The following XPR1 variants were observed in gnomAD, a reference collection of about 807,000 sequenced individuals.
XPR1 encodes the protein solute carrier family 53 member 1.
A neutral mutation model predicts 87.5 loss-of-function variants in XPR1; 28 were observed. The ratio of observed to expected loss-of-function variants is 0.32; its 90% confidence interval spans 0.24 to 0.44. The LOEUF is 0.44. Among genes scored for constraint, XPR1 ranks in the 20% least tolerant of loss-of-function variants. The pLI, the probability that XPR1 is intolerant of heterozygous loss-of-function variation, is 1.00. For missense variants in XPR1, 559 were observed against 862.3 expected (o/e 0.65, Z 4.41); for synonymous variants, 300 against 306.1 (o/e 0.98, Z 0.21).
At chr1:180,752,669 T>G (rs1437147334) in intron 2 of XPR1, among the ~76,000 whole-genome samples, 1 of 152,156 alleles carries the variant, frequency 6.6e-6, no homozygotes, top group Non-Finnish European at 1.5e-5. Flanking sequence ...GATTATCATG[T>G]TTTGATTTAA....
At chr1:180,846,085 C>A (rs1448256284) in intron 11 of XPR1, among the ~76,000 whole-genome samples, 3 of 151,980 alleles carry the variant, frequency 2.0e-5, no homozygotes, top group East Asian at 3.9e-4. Context: ...CATGGCAAAA[C>A]CCTGTCTCTA....
In XPR1 at chr1:180,632,109, C is replaced by T; in HGVS notation, c.-93C>T. 11 of 1,466,338 alleles carry T rather than the reference C, an allele frequency of 7.5e-6. No homozygotes were observed. The highest frequency in any genetic ancestry group is 1.0e-5 in the Non-Finnish European group (11 of 1,070,600). The allele number at this position is 1,466,338 out of a possible 1,614,324, so 90.8% of individuals were successfully genotyped here. A position where few individuals can be genotyped will look rare whatever the true frequency, so the allele number is the denominator to read the frequency against. On this transcript the variant is annotated 5_prime_UTR_variant, in exon 1 of 15. Transcript: ENST00000367590. Reference sequence around the variant, plus strand: ...AGGAGAGAAGCGCAGCGCCGCGCCGCGCCGGGGCCCATGTGGGGAGGAGTC... The same window carrying T: ...AGGAGAGAAGCGCAGCGCCGCGCCGTGCCGGGGCCCATGTGGGGAGGAGTC...
intron 2 of XPR1, among the ~76,000 whole-genome samples, chr1:180,738,448 T>G (rs1658800884): frequency 6.6e-6 from 1 of 152,238 alleles, no homozygotes; most frequent in African/African-American, 2.4e-5. Flanking sequence ...TTAGCTATCT[T>G]AATATTTGTA....
At chr1:180,712,228 T>C (rs1274019415) in intron 2 of XPR1, among the ~76,000 whole-genome samples, 5 of 152,224 alleles carry the variant, frequency 3.3e-5, no homozygotes, top group Non-Finnish European at 7.3e-5. Context: ...AAATAAGTGT[T>C]ACTTGAACAC....
At chr1:180,810,682 G>A (rs1027557062) in intron 6 of XPR1, among the ~76,000 whole-genome samples, 6 of 151,864 alleles carry the variant, frequency 4.0e-5, no homozygotes, top group South Asian at 2.1e-4. Flanking sequence ...TGTACCAAAT[G>A]TGCAAACTCT....
chr1:180,677,925 T>C (rs146780164), intron 1 of XPR1, among the ~76,000 whole-genome samples: 20 of 152,340 alleles, frequency 1.3e-4, no homozygotes, highest in East Asian at 9.6e-4. Context: ...TTCTCAGTTA[T>C]AGTTTTTGCA....
chr1:180,731,733 A>T (rs150676393), intron 2 of XPR1, among the ~76,000 whole-genome samples: 2 of 152,198 alleles, frequency 1.3e-5, no homozygotes, highest in African/African-American at 4.8e-5. Context: ...TATCAATGAG[A>T]TAGTTTACAT....
At position 180,787,865 on chromosome 1, in the gene XPR1, A is replaced by C. The variant is rs1322666942; in HGVS notation, c.223+11A>C. ...ACACATTTTATTCAGGTGAGTAATT[A>C]AGAGACTTTTTTTTTTGCTGCCGGG... On this transcript the variant is annotated intron_variant, in intron 3 of 14. Transcript: ENST00000367590. 1 of 1,588,644 alleles carries C rather than the reference A, an allele frequency of 6.3e-7. No individual in the cohort carries two copies. Among genetic ancestry groups the C allele is most frequent in the South Asian group, 1.1e-5 (1 of 87,536 alleles).
intron 9 of XPR1, among the ~76,000 whole-genome samples, chr1:180,832,097 T>C (rs908706494): frequency 6.6e-6 from 1 of 152,240 alleles, no homozygotes; most frequent in Non-Finnish European, 1.5e-5. Flanking sequence ...TTCTAACTGG[T>C]GTGAGATGGT....
chr1:180,864,010 C>A (rs1330725444), intron 12 of XPR1, 136 bp downstream of exon 12: 2 of 674,598 alleles, frequency 3.0e-6, no homozygotes, highest in African/African-American at 1.9e-5. Context: ...AATACTAATT[C>A]ATTCGGTCAG....
intron 2 of XPR1, among the ~76,000 whole-genome samples, chr1:180,763,378 G>A (rs1648128205): frequency 6.6e-6 from 1 of 152,116 alleles, no homozygotes; most frequent in African/African-American, 2.4e-5. Flanking sequence ...TGAACAAGGT[G>A]GTGACTTTGA....
At chr1:180,769,425 C>G (rs1486610956) in intron 2 of XPR1, among the ~76,000 whole-genome samples, 1 of 143,688 alleles carries the variant, frequency 7.0e-6, no homozygotes, top group African/African-American at 2.6e-5. Context: ...ACCTCCCCCA[C>G]TACCCTTCCC....
chr1:180,791,530 G>A (rs1649378643), intron 3 of XPR1, among the ~76,000 whole-genome samples: 1 of 150,434 alleles, frequency 6.6e-6, no homozygotes, highest in Non-Finnish European at 1.5e-5. Flanking sequence ...ACCCACCTTG[G>A]TCTCCCAAAG....
intron 9 of XPR1, among the ~76,000 whole-genome samples, chr1:180,834,405 T>C (rs937561791): frequency 1.3e-5 from 2 of 152,240 alleles, no homozygotes; most frequent in Admixed American, 1.3e-4. Flanking sequence ...AGTACAACTT[T>C]AGTTAATGGC....
At chr1:180,861,746 C>T (rs968369062) in intron 11 of XPR1, among the ~76,000 whole-genome samples, 12 of 152,026 alleles carry the variant, frequency 7.9e-5, no homozygotes, top group African/African-American at 2.9e-4. Flanking sequence ...CAGTGATGTG[C>T]TAGTATATGT....
intron 12 of XPR1, among the ~76,000 whole-genome samples, chr1:180,867,037 C>G (rs1305209435): frequency 9.9e-6 from 1 of 101,354 alleles, no homozygotes; most frequent in East Asian, 2.5e-4. Flanking sequence ...TGTTCCATTC[C>G]CACCTATGAG....
At chr1:180,850,309 A>G (rs1484001117) in intron 11 of XPR1, among the ~76,000 whole-genome samples, 3 of 152,176 alleles carry the variant, frequency 2.0e-5, no homozygotes, top group African/African-American at 7.2e-5. Context: ...TGTATGAAGA[A>G]AACGTGGAAG....
chr1:180,721,062 C>G (rs1658165358), intron 2 of XPR1, among the ~76,000 whole-genome samples: 1 of 151,906 alleles, frequency 6.6e-6, no homozygotes. Flanking sequence ...TGGTGAAACC[C>G]CATCTCTAGT....
chr1:180,645,758 T>A (rs1230606239), intron 1 of XPR1, among the ~76,000 whole-genome samples: 3 of 152,194 alleles, frequency 2.0e-5, no homozygotes, highest in African/African-American at 7.2e-5. Context: ...TCTTGCAAAA[T>A]ATTGTTCAGG....
Sources: gnomAD v4.1 joint callset for allele counts (sites outside exome capture counted in the v4.1 genomes callset) on GRCh38, gnomAD v4.1.1 for gene constraint, MANE v1.5 for transcripts, NCBI Gene and HGNC (gene_info 2026-07-23, HGNC 2026-07-21) for gene names.